The following NAALADL2 variants were observed in gnomAD, a reference collection of about 807,000 sequenced individuals.
The protein encoded by NAALADL2 is inactive N-acetylated-alpha-linked acidic dipeptidase-like protein 2.
Under a neutral mutation model 87.2 loss-of-function variants are expected in NAALADL2, and 76 were observed. The ratio of observed to expected loss-of-function variants is 0.87; its 90% CI spans 0.72 to 1.05. The LOEUF (loss-of-function observed/expected upper bound fraction) is 1.05. NAALADL2 is among the 50% of genes least tolerant of loss of function. The pLI is 0.00. For missense variants in NAALADL2, 1,089 were observed against 945.8 expected (o/e 1.15, Z -1.99); for synonymous variants, 354 against 331.0 (o/e 1.07, Z -0.75).
chr3:175,258,434 G>C (rs560319712), intron 4 of NAALADL2, among the ~76,000 whole-genome samples: 5 of 152,086 alleles, frequency 3.3e-5, no homozygotes, highest in Non-Finnish European at 7.4e-5. Context: ...GGGTGGAGTG[G>C]TGGGAGCTAG....
intron 3 of NAALADL2, among the ~76,000 whole-genome samples, chr3:174,794,041 G>C (rs969302300): frequency 4.6e-5 from 7 of 152,024 alleles, no homozygotes; most frequent in African/African-American, 1.4e-4. Flanking sequence ...AAGTACAGTT[G>C]CTGAGCAACT....
chr3:175,088,223 A>C (rs555645076), intron 1 of NAALADL2, among the ~76,000 whole-genome samples: 1 of 152,320 alleles, frequency 6.6e-6, no homozygotes, highest in East Asian at 1.9e-4. Context: ...TGAATACTAA[A>C]ATTTTAGATT....
intron 1 of NAALADL2, among the ~76,000 whole-genome samples, chr3:174,865,124 T>C (rs1402257296): frequency 2.0e-5 from 3 of 152,004 alleles, no homozygotes; most frequent in Admixed American, 1.3e-4. Context: ...TAATTTATAT[T>C]GAAAAGTAAT....
chr3:174,574,553 G>A (rs1715314049), intron 2 of NAALADL2, among the ~76,000 whole-genome samples: 1 of 151,938 alleles, frequency 6.6e-6, no homozygotes, highest in African/African-American at 2.4e-5. Flanking sequence ...GCAATTATCT[G>A]AATAACAATT....
intron 2 of NAALADL2, among the ~76,000 whole-genome samples, chr3:174,721,927 TA>T (rs964370398): frequency 6.6e-6 from 1 of 152,178 alleles, no homozygotes; most frequent in African/African-American, 2.4e-5. Context: ...GACTACCTAA[TA>T]CATTCAGTCA....
chr3:175,767,348 AT>A (rs1483029870), intron 13 of NAALADL2, among the ~76,000 whole-genome samples: 2 of 152,190 alleles, frequency 1.3e-5, no homozygotes, highest in African/African-American at 2.4e-5. Context: ...ACATGATTTA[AT>A]GTGCAATTGA....
intron 1 of NAALADL2, among the ~76,000 whole-genome samples, chr3:174,926,708 C>T (rs1304521291): frequency 6.6e-6 from 1 of 152,054 alleles, no homozygotes; most frequent in African/African-American, 2.4e-5. Context: ...GAAAGAAGTA[C>T]TAAACATGGA....
rs115979558 is a variant in NAALADL2, at chr3:175,524,948, A to G, written c.1654-51093A>G. On this transcript the variant is annotated intron_variant, in intron 9 of 13. Transcript: ENST00000454872. Reference sequence around the variant, plus strand: ...AAATATACTAACTCTTATAACAGGAACATGCTTTAAACTTGTGTATGGCAG... The same window carrying G: ...AAATATACTAACTCTTATAACAGGAGCATGCTTTAAACTTGTGTATGGCAG... Among the ~76,000 whole-genome samples, 615 of 152,238 alleles carry G rather than the reference A, an allele frequency of 4.0e-3. 6 individuals are homozygous for G. The highest frequency in any genetic ancestry group is 0.017 in the Middle Eastern group (5 of 294).
chr3:175,198,422 TC>T (rs1275821984), intron 2 of NAALADL2, among the ~76,000 whole-genome samples: 2 of 152,098 alleles, frequency 1.3e-5, no homozygotes, highest in Non-Finnish European at 2.9e-5. Flanking sequence ...TTTTGTGTAA[TC>T]ATTAGTTCCC....
At chr3:175,795,703 A>G (rs987890909) in intron 13 of NAALADL2, among the ~76,000 whole-genome samples, 2 of 150,564 alleles carry the variant, frequency 1.3e-5, no homozygotes, top group Non-Finnish European at 1.5e-5. Context: ...AAAATAAAAT[A>G]AAATAAAATA....
intron 4 of NAALADL2, 24 bp downstream of exon 4, chr3:175,256,554 GTGGTT>G (rs769450036): frequency 6.2e-7 from 1 of 1,602,576 alleles, no homozygotes; most frequent in Non-Finnish European, 8.5e-7. Flanking sequence ...ATGTTATTCA[GTGGTT>G]TGGTCAATAT....
chr3:175,078,365 T>G (rs1485964475), intron 1 of NAALADL2, among the ~76,000 whole-genome samples: 1 of 152,226 alleles, frequency 6.6e-6, no homozygotes, highest in Non-Finnish European at 1.5e-5. Context: ...GAAAGAAAGT[T>G]GTAGCAAAAT....
chr3:175,569,589 T>C (rs1246274847), intron 9 of NAALADL2, among the ~76,000 whole-genome samples: 1 of 152,120 alleles, frequency 6.6e-6, no homozygotes, highest in African/African-American at 2.4e-5. Flanking sequence ...ATGAAATTAA[T>C]GCCCTTATAA....
At chr3:174,663,792 T>C (rs1301256875) in intron 2 of NAALADL2, among the ~76,000 whole-genome samples, 1 of 81,612 alleles carries the variant, frequency 1.2e-5, no homozygotes, top group Non-Finnish European at 3.0e-5. Context: ...TCTTTTTTTT[T>C]TCTTTTTTTT....
chr3:175,080,217 G>A (rs980915180), intron 1 of NAALADL2, among the ~76,000 whole-genome samples: 1 of 152,192 alleles, frequency 6.6e-6, no homozygotes, highest in Non-Finnish European at 1.5e-5. Context: ...CACGCACCTC[G>A]GCCTCCCAAA....
intron 2 of NAALADL2, among the ~76,000 whole-genome samples, chr3:174,719,183 C>G (rs767089329): frequency 6.6e-6 from 1 of 152,054 alleles, no homozygotes; most frequent in Non-Finnish European, 1.5e-5. Context: ...TAAAAATATT[C>G]AGGTTATTTG....
At chr3:175,573,635 AGTTT>A (rs1718416328) in intron 9 of NAALADL2, among the ~76,000 whole-genome samples, 1 of 152,202 alleles carries the variant, frequency 6.6e-6, no homozygotes, top group African/African-American at 2.4e-5. Flanking sequence ...GATATAAAAT[AGTTT>A]GTTTTTCATG....
chr3:175,745,870 A>ATTT (rs1745853103), intron 12 of NAALADL2, among the ~76,000 whole-genome samples: 1 of 152,202 alleles, frequency 6.6e-6, no homozygotes, highest in Non-Finnish European at 1.5e-5. Flanking sequence ...AAAACAATTA[A>ATTT]TGTCTGCGTA....
intron 1 of NAALADL2, among the ~76,000 whole-genome samples, chr3:174,889,097 T>C (rs1020913737): frequency 6.6e-6 from 1 of 152,164 alleles, no homozygotes; most frequent in African/African-American, 2.4e-5. Context: ...CTTATTGTAG[T>C]GGATAACTTC....
Sources: gnomAD v4.1 joint callset for allele counts (sites outside exome capture counted in the v4.1 genomes callset) on GRCh38, gnomAD v4.1.1 for gene constraint, MANE v1.5 for transcripts, NCBI Gene and HGNC (gene_info 2026-07-23, HGNC 2026-07-21) for gene names.